PADI4: variants seen among roughly 807,000 people sequenced by gnomAD.
PADI4 encodes protein-arginine deiminase type-4.
A neutral mutation model predicts 75.0 loss-of-function variants in PADI4; 62 were observed. That is an observed-to-expected ratio of 0.83 (90% CI 0.67 to 1.02). The LOEUF is 1.02. Ranked by LOEUF, PADI4 falls within the 50% of genes least tolerant of loss-of-function variation. The pLI, the probability that PADI4 is intolerant of heterozygous loss-of-function variation, is 0.00. For synonymous variants in PADI4, 361 were observed against 348.1 expected, an observed-to-expected ratio of 1.04 and a Z score of -0.41; for missense variants, 845 against 850.5, an observed-to-expected ratio of 0.99 and a Z score of 0.08.
At chr1:17,354,800 A>C in intron 11 of PADI4, 113 bp downstream of exon 11, 1 of 1,027,596 alleles carries the variant, frequency 9.7e-7, no homozygotes, top group East Asian at 2.6e-5. Flanking sequence ...AGCCCAACAG[A>C]CTTGAGGGAG....
chr1:17,351,531 C>T (rs1405129567), intron 10 of PADI4, among the ~76,000 whole-genome samples: 1 of 150,662 alleles, frequency 6.6e-6, no homozygotes, highest in Non-Finnish European at 1.5e-5. Flanking sequence ...GACCCTTGAA[C>T]CCTGAAGGGT....
chr1:17,352,724 G>C (rs984368685), intron 10 of PADI4, among the ~76,000 whole-genome samples: 2 of 152,190 alleles, frequency 1.3e-5, no homozygotes, highest in South Asian at 4.1e-4. Context: ...TGGAGAATGA[G>C]GGGGTGGGAA....
intron 8 of PADI4, 90 bp downstream of exon 8, chr1:17,342,492 C>T (rs2074441231): frequency 1.3e-6 from 1 of 750,452 alleles, no homozygotes; most frequent in African/African-American, 1.8e-5. Flanking sequence ...GAAAAACAGT[C>T]ACCCCTCCCC....
At chr1:17,329,779 G>A (rs569080628) in intron 1 of PADI4, among the ~76,000 whole-genome samples, 4 of 152,224 alleles carry the variant, frequency 2.6e-5, no homozygotes, top group Admixed American at 6.5e-5. Flanking sequence ...GCTTCCAATC[G>A]AATTGTTATT....
At chr1:17,338,872 T>A (rs939881645) in intron 5 of PADI4, among the ~76,000 whole-genome samples, 30 of 152,168 alleles carry the variant, frequency 2.0e-4, no homozygotes, top group African/African-American at 6.8e-4. Flanking sequence ...TAGAATAACA[T>A]AGAAATGGAT....
intron 11 of PADI4, among the ~76,000 whole-genome samples, chr1:17,355,372 C>T (rs1037080822): frequency 1.3e-4 from 19 of 151,988 alleles, no homozygotes; most frequent in African/African-American, 3.9e-4. Flanking sequence ...ACTAACATGG[C>T]GAAACCCCGT....
Position 17,327,716 on chromosome 1 carries a change from A to AT in PADI4, c.93-3244dup, listed in dbSNP as rs1302539112. ...ACAACCATGCCCAGCTAATTTTTGT[A>AT]TTTTTTTTTAGTAGAGACTGGCTTT... On this transcript the variant is annotated intron_variant, in intron 1 of 15. Transcript: ENST00000375448. Among the ~76,000 whole-genome samples, 449 of 149,790 alleles carry AT rather than the reference A, an allele frequency of 3.0e-3. 4 individuals are homozygous for AT. Among genetic ancestry groups the AT allele is most frequent in the Non-Finnish European group, 4.6e-3 (308 of 67,292 alleles).
chr1:17,337,393 G>T (rs183754440), intron 4 of PADI4, among the ~76,000 whole-genome samples: 1 of 152,198 alleles, frequency 6.6e-6, no homozygotes, highest in Admixed American at 6.5e-5. Context: ...TGATCTGCCT[G>T]CCTCAGCCTC....
intron 1 of PADI4, among the ~76,000 whole-genome samples, chr1:17,311,741 G>A (rs1456611565): frequency 1.6e-4 from 25 of 152,032 alleles, no homozygotes; most frequent in Admixed American, 1.6e-3. Flanking sequence ...TAGCCAGGAT[G>A]GTCTCGATCT....
In PADI4 at chr1:17,352,185, G is replaced by A. The variant is rs867264694; in HGVS notation, c.1156-2348G>A. ...GGTGATGAGAGGTGGTAGGAGAGGC[G>A]GTCAGGGAGGAGATGGGAGGTGGTA... On this transcript the variant is annotated intron_variant, in intron 10 of 15. Coordinates refer to ENST00000375448, the MANE Select transcript of PADI4 (RefSeq NM_012387.3). Among the ~76,000 whole-genome samples, 891 of 110,068 alleles carry A rather than the reference G, an allele frequency of 8.1e-3. 12 individuals carry two copies. Among genetic ancestry groups the A allele is most frequent in the African/African-American group, 0.019 (595 of 30,770 alleles). The allele number at this position is 110,068 out of a possible 152,430, so 72.2% of individuals were successfully genotyped here.
chr1:17,359,246 G>A, intron 14 of PADI4, 34 bp from the exon 15 acceptor site: 2 of 357,762 alleles, frequency 5.6e-6, no homozygotes, highest in African/African-American at 3.5e-5. Flanking sequence ...ACTGCCATCA[G>A]TCCCCCACTC....
rs2074518290 is a variant in PADI4 at position 17,346,472 on chromosome 1, T to G, written c.1047+333T>G. Among the ~76,000 whole-genome samples, 1 of 152,164 alleles carries G rather than the reference T, an allele frequency of 6.6e-6. No homozygotes were observed. Among genetic ancestry groups the G allele is most frequent in the African/African-American group, 2.4e-5 (1 of 41,440 alleles). ...TGGTCCTCCCTCCAGGCTGTCCATC[T>G]TGGGCCCAGCCACCAAAGCAGGTCA... On this transcript the variant is annotated intron_variant, in intron 9 of 15. Transcript: ENST00000375448. The surrounding 1 kb of genome is among the most constrained non-coding windows in gnomAD (Gnocchi z 4.3).
chr1:17,337,049 G>A (rs1449356042), intron 4 of PADI4, among the ~76,000 whole-genome samples: 1 of 152,222 alleles, frequency 6.6e-6, no homozygotes, highest in African/African-American at 2.4e-5. Context: ...GTAATTAAGA[G>A]TTCACATAAT....
At chr1:17,359,613 A>G (rs1302728666) in intron 15 of PADI4, among the ~76,000 whole-genome samples, 1 of 152,020 alleles carries the variant, frequency 6.6e-6, no homozygotes, top group East Asian at 1.9e-4. Flanking sequence ...TACTGATGCT[A>G]TTTCCATCAT....
chr1:17,347,033 G>T (rs1162321372), intron 9 of PADI4, among the ~76,000 whole-genome samples: 1 of 151,770 alleles, frequency 6.6e-6, no homozygotes, highest in Admixed American at 6.6e-5. Flanking sequence ...TGCCTCCCGG[G>T]TTCAAATGAT....
intron 9 of PADI4, among the ~76,000 whole-genome samples, chr1:17,347,574 A>G (rs1381884819): frequency 7.0e-6 from 1 of 142,672 alleles, no homozygotes; most frequent in Non-Finnish European, 1.5e-5. Context: ...CTGTGTCCCC[A>G]CAGACCCCTC....
chr1:17,332,149 C>G (rs1159411278), intron 2 of PADI4, among the ~76,000 whole-genome samples: 1 of 152,164 alleles, frequency 6.6e-6, no homozygotes, highest in Non-Finnish European at 1.5e-5. Context: ...GCCTCTGCCC[C>G]TTCTCTGTGG....
At chr1:17,353,972 G>A (rs1384787173) in intron 10 of PADI4, among the ~76,000 whole-genome samples, 2 of 152,118 alleles carry the variant, frequency 1.3e-5, no homozygotes, top group African/African-American at 4.8e-5. Context: ...GGGCGTGGGG[G>A]CTCATGCCTG....
chr1:17,341,894 T>A, intron 6 of PADI4, 49 bp from the exon 7 acceptor site: 2 of 1,451,596 alleles, frequency 1.4e-6, no homozygotes, highest in Non-Finnish European at 1.9e-6. Context: ...GGAGGAAAAG[T>A]CTTCAGAAGT....
Sources: gnomAD v4.1 joint callset for allele counts (sites outside exome capture counted in the v4.1 genomes callset) on GRCh38, gnomAD v4.1.1 for gene constraint, Gnocchi (gnomAD v3.1) non-coding constraint, MANE v1.5 for transcripts, NCBI Gene and HGNC (gene_info 2026-07-23, HGNC 2026-07-21) for gene names.